Variants in SCGN observed in about 807,000 individuals in gnomAD.
The protein encoded by SCGN is secretagogin, EF-hand calcium binding protein.
In SCGN, 30 loss-of-function variants were observed where a neutral mutation model predicts 39.7. That is an observed-to-expected ratio of 0.76 (90% CI 0.57 to 1.03). The LOEUF is 1.03. SCGN is among the 50% of genes least tolerant of loss of function. SCGN has a pLI of 0.00. For missense variants in SCGN, 353 were observed against 349.4 expected (o/e 1.01, Z -0.08); for synonymous variants, 106 against 114.1 (o/e 0.93, Z 0.45).
In SCGN at chr6:25,661,501, T is replaced by C. The variant is rs772696380; in HGVS notation, c.154-51T>C. On this transcript the variant is annotated intron_variant, in intron 2 of 10. Coordinates refer to ENST00000377961, the MANE Select transcript of SCGN (RefSeq NM_006998.4). ...TTTTGAATATTTGCCATCCTAACTA[T>C]ATCTTTGAGATTCCAGTGGCTTTAA... 4.9e-6 allele frequency: 6 copies of C among 1,233,268 alleles called. No homozygotes were observed. The Admixed American group carries it at 1.0e-4, about 21-fold the overall frequency. The allele number at this position is 1,233,268 out of a possible 1,614,324, so 76.4% of individuals were successfully genotyped here.
In SCGN at chr6:25,666,435, T is replaced by C. The variant is rs60131823; in HGVS notation, c.336+1403T>C. 9.0e-3 allele frequency among the ~76,000 whole-genome samples: 1,371 copies of C among 152,296 alleles called. 17 individuals are homozygous for C. Among genetic ancestry groups the C allele is most frequent in the African/African-American group, 0.03 (1,239 of 41,558 alleles). On this transcript the variant is annotated intron_variant, in intron 4 of 10. Transcript: ENST00000377961. The stretch of plus-strand genomic sequence containing the variant: ...ATGTAGACAAAAGTTTTCTGTACAA[T>C]GATGTTCATATAATGTTGCATCGTC...
chr6:25,691,198 A>C, intron 10 of SCGN, 74 bp downstream of exon 10: 1 of 1,122,230 alleles, frequency 8.9e-7, no homozygotes. Context: ...TGTGGGAATC[A>C]GTGAGACTGA....
chr6:25,673,078 G>T (rs541144301), intron 6 of SCGN, among the ~76,000 whole-genome samples: 1 of 152,106 alleles, frequency 6.6e-6, no homozygotes, highest in Non-Finnish European at 1.5e-5. Flanking sequence ...TGAAATTTCA[G>T]TTGTTACCTA....
intron 6 of SCGN, among the ~76,000 whole-genome samples, chr6:25,677,726 A>T (rs9467561): frequency 2.0e-5 from 3 of 151,934 alleles, no homozygotes; most frequent in African/African-American, 2.4e-5. Flanking sequence ...TGTGAATGGT[A>T]GTTACCACTA....
intron 10 of SCGN, among the ~76,000 whole-genome samples, chr6:25,696,958 A>AT (rs1759846868): frequency 6.6e-6 from 1 of 152,204 alleles, no homozygotes; most frequent in South Asian, 2.1e-4. Context: ...TAACAAAAGA[A>AT]TGTTTTTTGT....
At chr6:25,670,102 A>T (rs755830936) in intron 6 of SCGN, 26 bp downstream of exon 6, 1 of 1,510,374 alleles carries the variant, frequency 6.6e-7, no homozygotes. Flanking sequence ...TGTAATCTCC[A>T]TGAGGGCAGC....
intron 6 of SCGN, 101 bp downstream of exon 6, chr6:25,670,177 A>G (rs1399488477): frequency 1.2e-6 from 1 of 845,084 alleles, no homozygotes; most frequent in Non-Finnish European, 2.0e-6. Context: ...TGAGAAATTG[A>G]AGACTAAATG....
At chr6:25,664,523 A>T (rs1012415035) in intron 3 of SCGN, among the ~76,000 whole-genome samples, 2 of 152,214 alleles carry the variant, frequency 1.3e-5, no homozygotes, top group Non-Finnish European at 2.9e-5. Context: ...ATTAGCATAC[A>T]CAAGCATTTA....
At chr6:25,685,650 G>GTATAAT (rs71544650) in intron 7 of SCGN, among the ~76,000 whole-genome samples, 7,072 of 151,838 alleles carry the variant, frequency 0.047, 202 homozygotes, top group Non-Finnish European at 0.072. Context: ...TTCTATTAAA[G>GTATAAT]TATAATTATA....
intron 6 of SCGN, among the ~76,000 whole-genome samples, chr6:25,677,711 G>A (rs1332317711): frequency 6.6e-6 from 1 of 152,122 alleles, no homozygotes; most frequent in African/African-American, 2.4e-5. Flanking sequence ...GGATACATAA[G>A]ACTCTGTGAA....
At chr6:25,675,107 A>G (rs867988652) in intron 6 of SCGN, among the ~76,000 whole-genome samples, 55 of 152,254 alleles carry the variant, frequency 3.6e-4, no homozygotes, top group African/African-American at 1.3e-3. Flanking sequence ...GGCACAGTCC[A>G]GACCCAGGAA....
chr6:25,669,939 A>C, intron 5 of SCGN, 60 bp from the exon 6 acceptor site: 1 of 1,335,734 alleles, frequency 7.5e-7, no homozygotes, highest in Non-Finnish European at 1.1e-6. Context: ...AAGGCCTTTT[A>C]AGACCTTTGC....
chr6:25,663,789 C>T (rs759527438), intron 3 of SCGN, among the ~76,000 whole-genome samples: 2 of 152,152 alleles, frequency 1.3e-5, no homozygotes, highest in Non-Finnish European at 2.9e-5. Context: ...CTTGCTGGTA[C>T]CTGCCATGTA....
intron 2 of SCGN, among the ~76,000 whole-genome samples, chr6:25,658,526 G>C (rs1760272850): frequency 6.6e-6 from 1 of 152,126 alleles, no homozygotes; most frequent in Non-Finnish European, 1.5e-5. Flanking sequence ...AGGATGCACA[G>C]ATCCATTTGA....
At chr6:25,685,388 A>G (rs968594657) in intron 7 of SCGN, among the ~76,000 whole-genome samples, 2 of 152,116 alleles carry the variant, frequency 1.3e-5, no homozygotes, top group East Asian at 1.9e-4. Flanking sequence ...GCACCTCCCA[A>G]GTAATATGTG....
chr6:25,660,995 G>A (rs760458497), intron 2 of SCGN, among the ~76,000 whole-genome samples: 3 of 152,170 alleles, frequency 2.0e-5, no homozygotes, highest in East Asian at 3.8e-4. Context: ...AGACAATTAA[G>A]GTTCTACATA....
chr6:25,653,387 G>T lies in SCGN; in HGVS notation c.88G>T (p.Gly30Cys), dbSNP rs149532033. The change falls in exon 2 of 11, where the codon GGT becomes TGT. Residue 30 changes from glycine to cysteine, a missense_variant. Gly to Cys is a radical substitution (Grantham distance 159, BLOSUM62 -3). Coordinates refer to ENST00000377961, the MANE Select transcript of SCGN (RefSeq NM_006998.4). ...GTTTATTTTCTCACATTTAGAAAAA[G>T]GTTACATAGAAGAGAAGGAACTCGA... ...VWQRFDADEK[G>C]YIEEKELDAF... is the part of the protein sequence containing the mutation. 57 of 1,604,756 alleles carry T rather than the reference G, an allele frequency of 3.6e-5. 1 individual carries two copies. In the African/African-American group the frequency reaches 6.7e-4, roughly 19 times the overall value.
intron 6 of SCGN, among the ~76,000 whole-genome samples, chr6:25,680,015 C>T (rs547740665): frequency 1.3e-5 from 2 of 151,162 alleles, no homozygotes; most frequent in South Asian, 4.2e-4. Flanking sequence ...CTACTTCAAT[C>T]TTTCTAAATA....
At chr6:25,688,028 A>G (rs562323719) in intron 7 of SCGN, among the ~76,000 whole-genome samples, 2 of 152,198 alleles carry the variant, frequency 1.3e-5, no homozygotes, top group Non-Finnish European at 2.9e-5. Context: ...TTATCTTTAT[A>G]TATTGTGTGC....
Sources: allele counts gnomAD v4.1 joint callset (sites outside exome capture counted in the v4.1 genomes callset), GRCh38; gene constraint gnomAD v4.1.1; transcripts MANE v1.5; gene names NCBI Gene and HGNC (gene_info 2026-07-23, HGNC 2026-07-21).